GBE1: variants seen among roughly 807,000 people sequenced by gnomAD.
GBE1 encodes the protein 1,4-alpha-glucan-branching enzyme.
GBE1 carries 70 observed loss-of-function variants against 88.8 expected under a neutral mutation model. That is an observed-to-expected ratio of 0.79 (90% CI 0.65 to 0.96). GBE1 has a LOEUF of 0.96. GBE1 is among the 40% of genes least tolerant of loss of function. The pLI is 0.00. For missense variants in GBE1, 872 were observed against 871.0 expected, an observed-to-expected ratio of 1.00 and a Z score of -0.01; for synonymous variants, 284 against 300.1, an observed-to-expected ratio of 0.95 and a Z score of 0.56.
chr3:81,682,848 C>T (rs1021554690), intron 2 of GBE1, among the ~76,000 whole-genome samples: 3 of 152,004 alleles, frequency 2.0e-5, no homozygotes, highest in African/African-American at 7.3e-5. Context: ...GAAAACAATC[C>T]AAATGATCAT....
intron 1 of GBE1, among the ~76,000 whole-genome samples, chr3:81,716,560 G>GAAATCCTTAAA (rs1206144096): frequency 2.6e-5 from 4 of 152,096 alleles, no homozygotes; most frequent in Non-Finnish European, 5.9e-5. Flanking sequence ...AGCCCATTTA[G>GAAATCCTTAAA]TGGTACCATT....
intron 1 of GBE1, among the ~76,000 whole-genome samples, chr3:81,719,893 G>A (rs1258681039): frequency 6.6e-6 from 1 of 152,058 alleles, no homozygotes; most frequent in Admixed American, 6.6e-5. Context: ...TCACACTTAT[G>A]AATTTATTAA....
chr3:81,637,657 C>A (rs1704609874), intron 7 of GBE1, among the ~76,000 whole-genome samples: 1 of 151,754 alleles, frequency 6.6e-6, no homozygotes, highest in Non-Finnish European at 1.5e-5. Context: ...ATGACAAAAT[C>A]AAAAAGTAGT....
chr3:81,614,618 G>A (rs1704225578), intron 7 of GBE1, among the ~76,000 whole-genome samples: 1 of 152,162 alleles, frequency 6.6e-6, no homozygotes, highest in Non-Finnish European at 1.5e-5. Context: ...CCAGCACTTT[G>A]GGAGGCTGAG....
chr3:81,565,358 C>A (rs546626750), intron 12 of GBE1, among the ~76,000 whole-genome samples: 1 of 152,224 alleles, frequency 6.6e-6, no homozygotes, highest in East Asian at 1.9e-4. Flanking sequence ...TTAATTCCAG[C>A]GCTTAGCAGG....
chr3:81,497,142 G>A (rs1484864790), intron 15 of GBE1, among the ~76,000 whole-genome samples: 1 of 152,156 alleles, frequency 6.6e-6, no homozygotes, highest in African/African-American at 2.4e-5. Flanking sequence ...TGATGTTGCT[G>A]CCACTTGTTG....
chr3:81,508,779 A>T (rs559838561), intron 14 of GBE1, among the ~76,000 whole-genome samples: 1 of 152,294 alleles, frequency 6.6e-6, no homozygotes, highest in East Asian at 1.9e-4. Flanking sequence ...ACAGCATTCT[A>T]AAACACTAAA....
chr3:81,650,003 A>T (rs1471584162), intron 3 of GBE1, 82 bp from the exon 4 acceptor site: 3 of 1,095,968 alleles, frequency 2.7e-6, no homozygotes, highest in Non-Finnish European at 4.0e-6. Flanking sequence ...CACTGCTACA[A>T]GTAGGAAAGG....
chr3:81,581,144 T>A (rs1225735983), intron 11 of GBE1, 21 bp downstream of exon 11: 1 of 1,375,096 alleles, frequency 7.3e-7, no homozygotes, highest in Non-Finnish European at 1.0e-6. Context: ...AATAAATGAA[T>A]TTATGCACAT....
At position 81,721,858 on chromosome 3, in the gene GBE1, T is replaced by A. The variant is rs529102428; in HGVS notation, c.144-16245A>T. Among the ~76,000 whole-genome samples, 4 of 152,326 alleles carry A rather than the reference T, an allele frequency of 2.6e-5. 1 individual carries two copies. The South Asian group carries it at 8.3e-4, about 32-fold the overall frequency. On this transcript the variant is annotated intron_variant, in intron 1 of 15. Coordinates refer to ENST00000429644, the MANE Select transcript of GBE1 (RefSeq NM_000158.4). ...ATTTACTATGTACCTAGCATTGTGC[T>A]AAGTGCCCCCCAAACAACATCTAAT...
chr3:81,688,592 T>G (rs1427314988), intron 2 of GBE1, among the ~76,000 whole-genome samples: 1 of 152,176 alleles, frequency 6.6e-6, no homozygotes, highest in Non-Finnish European at 1.5e-5. Flanking sequence ...TATACTAAGA[T>G]TATATTAATA....
intron 12 of GBE1, among the ~76,000 whole-genome samples, chr3:81,571,228 T>A (rs1455898646): frequency 3.9e-5 from 6 of 152,194 alleles, no homozygotes; most frequent in Non-Finnish European, 1.5e-5. Flanking sequence ...TTATTACTTT[T>A]CTCCGTTGAA....
chr3:81,667,878 T>C (rs1293074462), intron 3 of GBE1, among the ~76,000 whole-genome samples: 1 of 152,206 alleles, frequency 6.6e-6, no homozygotes, highest in African/African-American at 2.4e-5. Context: ...TTTGCATTGA[T>C]GTTCATCAGG....
intron 12 of GBE1, among the ~76,000 whole-genome samples, chr3:81,572,850 T>C (rs1399022218): frequency 6.6e-6 from 1 of 152,146 alleles, no homozygotes; most frequent in African/African-American, 2.4e-5. Flanking sequence ...TAGTAGTCAA[T>C]TTGCCTGCCT....
At chr3:81,662,311 T>C (rs1396570454) in intron 3 of GBE1, among the ~76,000 whole-genome samples, 1 of 152,114 alleles carries the variant, frequency 6.6e-6, no homozygotes, top group Non-Finnish European at 1.5e-5. Context: ...GGATTACAGG[T>C]GTGAGCCACC....
intron 14 of GBE1, among the ~76,000 whole-genome samples, chr3:81,520,008 A>C (rs1221544016): frequency 6.6e-6 from 1 of 151,582 alleles, no homozygotes; most frequent in East Asian, 1.9e-4. Context: ...TACTCCAGGA[A>C]CAGAAAGAGG....
At chr3:81,556,086 TAA>T (rs1196553854) in intron 12 of GBE1, among the ~76,000 whole-genome samples, 7 of 152,128 alleles carry the variant, frequency 4.6e-5, no homozygotes, top group African/African-American at 9.7e-5. Flanking sequence ...AGATATACAG[TAA>T]AGTCTATTTA....
Position 81,642,868 on chromosome 3 carries a change from A to T in GBE1, c.905T>A (p.Met302Lys), listed in dbSNP as rs1189654498. ...ATAACAGGAATCTGTCCCATCAAAC[A>T]TATTCAATCCATCTGCTGAATTTTT... ...ASKNSADGLN[M>K]FDGTDSCYFH... is the part of the protein sequence containing the mutation. The change falls in exon 7 of 16, where the codon ATG (methionine) becomes AAG (lysine). Residue 302 changes from methionine (M) to lysine (K), a missense_variant. Met to Lys is a moderately conservative substitution (Grantham distance 95, BLOSUM62 -1). Transcript: ENST00000429644. 1 of 1,612,980 alleles carries T rather than the reference A, an allele frequency of 6.2e-7. No homozygotes were observed. Among genetic ancestry groups the T allele is most frequent in the African/African-American group, 1.3e-5 (1 of 74,894 alleles).
At chr3:81,556,118 TGTAAATTTCCAA>T (rs11276404) in intron 12 of GBE1, among the ~76,000 whole-genome samples, 51,833 of 151,730 alleles carry the variant, frequency 0.34, 9,363 homozygotes, top group East Asian at 0.49. Context: ...TACCTAAACT[TGTAAATTTCCAA>T]GTAAATTTCC....
Sources: allele counts gnomAD v4.1 joint callset (sites outside exome capture counted in the v4.1 genomes callset), GRCh38; gene constraint gnomAD v4.1.1; transcripts MANE v1.5; gene names NCBI Gene and HGNC (gene_info 2026-07-23, HGNC 2026-07-21).